ODAD2: variants seen among roughly 807,000 people sequenced by gnomAD.
ODAD2 encodes the protein outer dynein arm-docking complex subunit 2.
Under a neutral mutation model 106.8 loss-of-function variants are expected in ODAD2, and 89 were observed. That is an observed-to-expected ratio of 0.83 (90% CI 0.70 to 0.99). The LOEUF is 0.99. Ranked by LOEUF, ODAD2 falls within the 50% of genes least tolerant of loss-of-function variation. The pLI is 0.00. For synonymous variants in ODAD2, 404 were observed against 436.2 expected (o/e 0.93, Z 0.92); for missense variants, 1,168 against 1,238.5 (o/e 0.94, Z 0.85).
intron 17 of ODAD2, among the ~76,000 whole-genome samples, chr10:27,886,873 C>T (rs1564468253): frequency 3.3e-5 from 5 of 151,456 alleles, no homozygotes; most frequent in Admixed American, 3.3e-4. Flanking sequence ...AGAAAATAAC[C>T]ATAAAATATA....
intron 10 of ODAD2, among the ~76,000 whole-genome samples, chr10:27,958,390 C>A (rs1352134275): frequency 1.3e-5 from 2 of 152,164 alleles, no homozygotes; most frequent in African/African-American, 4.8e-5. Flanking sequence ...GCCATGTTCA[C>A]TGGGAGGATA....
intron 1 of ODAD2, among the ~76,000 whole-genome samples, chr10:27,998,379 A>G (rs1850680439): frequency 6.6e-6 from 1 of 152,164 alleles, no homozygotes; most frequent in African/African-American, 2.4e-5. Context: ...CTAAGTTTCC[A>G]GGAATGGATT....
chr10:27,924,006 GAAAGAAA>G (rs1564509208), intron 16 of ODAD2, among the ~76,000 whole-genome samples: 33 of 130,520 alleles, frequency 2.5e-4, no homozygotes, highest in South Asian at 4.8e-4. Context: ...AAGAAAGAAA[GAAAGAAA>G]GAAAGAAAGA....
chr10:27,874,102 A>G (rs1461083218), intron 17 of ODAD2, among the ~76,000 whole-genome samples: 2 of 152,176 alleles, frequency 1.3e-5, no homozygotes, highest in Non-Finnish European at 2.9e-5. Context: ...TACCTTTACC[A>G]TTATGTAATG....
chr10:27,831,846 C>T (rs976144631), intron 19 of ODAD2, among the ~76,000 whole-genome samples: 5 of 152,212 alleles, frequency 3.3e-5, no homozygotes, highest in Admixed American at 1.3e-4. Flanking sequence ...TTTCTGCAAA[C>T]CCTCCCTGTG....
intron 15 of ODAD2, among the ~76,000 whole-genome samples, chr10:27,935,971 A>G (rs1490564370): frequency 6.6e-6 from 1 of 152,136 alleles, no homozygotes; most frequent in African/African-American, 2.4e-5. Flanking sequence ...AATAAATTTC[A>G]GCTGTATTTA....
chr10:27,872,404 G>T (rs538142860), intron 17 of ODAD2, among the ~76,000 whole-genome samples: 38 of 150,624 alleles, frequency 2.5e-4, no homozygotes, highest in African/African-American at 6.7e-4. Flanking sequence ...TGAATAGCAG[G>T]GGTGAGAGAG....
rs547080793 is a variant in ODAD2 at position 27,944,212 on chromosome 10, G to C, written c.1743+10C>G. On this transcript the variant is annotated intron_variant, in intron 12 of 19. Coordinates refer to ENST00000305242, the MANE Select transcript of ODAD2 (RefSeq NM_018076.5). ...CACTAGATGACGATGACAACATCACGGCTACTCACCAGTTTGGTGATACCC... is the reference window on the plus strand; with the variant it reads ...CACTAGATGACGATGACAACATCACCGCTACTCACCAGTTTGGTGATACCC... The C allele has an allele frequency of 3.1e-6, 5 of 1,606,816 alleles. No individual in the cohort carries two copies. In the African/African-American group the frequency reaches 6.7e-5, roughly 21 times the overall value.
intron 17 of ODAD2, among the ~76,000 whole-genome samples, chr10:27,902,062 C>T (rs188455410): frequency 6.1e-3 from 936 of 152,260 alleles, no homozygotes; most frequent in Middle Eastern, 0.014. Flanking sequence ...GGAAGTAAAA[C>T]ACTCCCTAGC....
At chr10:27,897,786 A>G (rs1173124439) in intron 17 of ODAD2, among the ~76,000 whole-genome samples, 2 of 152,134 alleles carry the variant, frequency 1.3e-5, no homozygotes, top group Non-Finnish European at 2.9e-5. Context: ...TAAGACAAGA[A>G]GAGGGCTGGA....
At chr10:27,916,721 T>G (rs2094808269) in intron 16 of ODAD2, among the ~76,000 whole-genome samples, 1 of 152,182 alleles carries the variant, frequency 6.6e-6, no homozygotes, top group Non-Finnish European at 1.5e-5. Context: ...CTTACATTAT[T>G]GTAAGAAATC....
chr10:27,917,792 G>T (rs1324651684), intron 16 of ODAD2, among the ~76,000 whole-genome samples: 1 of 151,438 alleles, frequency 6.6e-6, no homozygotes, highest in Non-Finnish European at 1.5e-5. Flanking sequence ...AATGGACCAT[G>T]GTCCTCCCAA....
At position 27,960,082 on chromosome 10, in the gene ODAD2, C is replaced by T. The variant is rs368633322; in HGVS notation, c.1386+1486G>A. ...AATATTTAATATTTATAAAGTATCA[C>T]GCTTAAAATGAAATTTTAAAACTCA... is the stretch of plus-strand genomic sequence containing the variant. On this transcript the variant is annotated intron_variant, in intron 10 of 19. Transcript: ENST00000305242. 5.4e-4 allele frequency among the ~76,000 whole-genome samples: 82 copies of T among 151,930 alleles called. 1 individual carries two copies. Among genetic ancestry groups the T allele is most frequent in the African/African-American group, 1.6e-3 (65 of 41,476 alleles).
chr10:27,943,795 CAAAAAAAAAAAAAAAAAAAAAAA>C (rs56059926), intron 12 of ODAD2, among the ~76,000 whole-genome samples: 1 of 58,624 alleles, frequency 1.7e-5, no homozygotes, highest in African/African-American at 7.7e-5. Flanking sequence ...GGCTCTGTCT[CAAAAAAAAAAAAAAAAAAAAAAA>C]AAAAAAAAAA....
intron 16 of ODAD2, among the ~76,000 whole-genome samples, chr10:27,917,672 G>T (rs1481916516): frequency 3.9e-5 from 6 of 151,904 alleles, no homozygotes. Context: ...AATATTGTAG[G>T]CTTTGTAGGT....
intron 10 of ODAD2, among the ~76,000 whole-genome samples, chr10:27,949,160 C>G (rs373018127): frequency 5.3e-4 from 81 of 152,188 alleles, no homozygotes; most frequent in Non-Finnish European, 7.6e-4. Flanking sequence ...TGCCTCAAAT[C>G]ACTTTTGTGT....
chr10:27,824,294 A>G (rs1836867212), intron 19 of ODAD2, among the ~76,000 whole-genome samples: 1 of 152,182 alleles, frequency 6.6e-6, no homozygotes, highest in Admixed American at 6.5e-5. Flanking sequence ...CTTAATTGAC[A>G]TTGTAACAGT....
rs577920755 is a variant in ODAD2 at position 27,932,227 on chromosome 10, C to T, written c.2495+2783G>A. Among the ~76,000 whole-genome samples, 41 of 152,216 alleles carry T rather than the reference C, an allele frequency of 2.7e-4. No individual in the cohort carries two copies. In the South Asian group the frequency reaches 3.1e-3, roughly 12 times the overall value. On this transcript the variant is annotated intron_variant, in intron 16 of 19. Transcript: ENST00000305242. ...CTGGGATTACAGATGTAAGCCACCACGTCATTAGCCTATAGTTGGGCAAAA... is the reference window on the plus strand; with the variant it reads ...CTGGGATTACAGATGTAAGCCACCATGTCATTAGCCTATAGTTGGGCAAAA...
At chr10:27,950,351 T>A (rs1847244820) in intron 10 of ODAD2, among the ~76,000 whole-genome samples, 1 of 152,086 alleles carries the variant, frequency 6.6e-6, no homozygotes, top group Non-Finnish European at 1.5e-5. Context: ...AGCAGAAAAA[T>A]ACATTGCTTT....
Sources: gnomAD v4.1 joint callset for allele counts (sites outside exome capture counted in the v4.1 genomes callset) on GRCh38, gnomAD v4.1.1 for gene constraint, MANE v1.5 for transcripts, NCBI Gene and HGNC (gene_info 2026-07-23, HGNC 2026-07-21) for gene names.